Variants in ATP13A4 observed in about 807,000 individuals in gnomAD.
ATP13A4 encodes the protein probable cation-transporting ATPase 13A4.
ATP13A4 carries 114 observed loss-of-function variants against 142.5 expected under a neutral mutation model. That is an observed-to-expected ratio of 0.80 (90% CI 0.69 to 0.93). The LOEUF (loss-of-function observed/expected upper bound fraction) is 0.93. ATP13A4 is among the 40% of genes least tolerant of loss of function. The pLI, the probability that ATP13A4 is intolerant of heterozygous loss-of-function variation, is 0.00. For missense variants in ATP13A4, 1,392 were observed against 1,454.0 expected, an observed-to-expected ratio of 0.96 and a Z score of 0.69; for synonymous variants, 488 against 514.8, an observed-to-expected ratio of 0.95 and a Z score of 0.70.
At chr3:193,476,662 A>G (rs189190371) in intron 8 of ATP13A4, among the ~76,000 whole-genome samples, 66 of 152,176 alleles carry the variant, frequency 4.3e-4, no homozygotes, top group Admixed American at 1.8e-3. Flanking sequence ...TTTACTTGAA[A>G]ATCAGAAACA....
chr3:193,433,519 T>TTAG (rs1716093202), intron 25 of ATP13A4, among the ~76,000 whole-genome samples: 2 of 152,202 alleles, frequency 1.3e-5, no homozygotes, highest in African/African-American at 4.8e-5. Flanking sequence ...ACATTTTAAC[T>TTAG]ATAACTGTAT....
At chr3:193,403,479 TC>T (rs927353621) in intron 29 of ATP13A4, among the ~76,000 whole-genome samples, 1 of 152,158 alleles carries the variant, frequency 6.6e-6, no homozygotes, top group African/African-American at 2.4e-5. Context: ...CTTATATAAC[TC>T]CCTTTACAAT....
At chr3:193,479,096 T>C (rs765286195) in intron 8 of ATP13A4, among the ~76,000 whole-genome samples, 3 of 152,020 alleles carry the variant, frequency 2.0e-5, no homozygotes, top group Admixed American at 6.6e-5. Flanking sequence ...CTCAGCAAAA[T>C]TGGCATAGAA....
intron 20 of ATP13A4, 22 bp downstream of exon 20, chr3:193,441,444 T>C: frequency 2.5e-6 from 4 of 1,613,338 alleles, no homozygotes; most frequent in Non-Finnish European, 2.5e-6. Flanking sequence ...CATAGGGAGA[T>C]TGTCACCCTC....
At chr3:193,491,450 G>T in intron 5 of ATP13A4, 52 bp from the exon 6 acceptor site, 1 of 1,290,736 alleles carries the variant, frequency 7.7e-7, no homozygotes, top group South Asian at 1.2e-5. Flanking sequence ...AATTAAAACT[G>T]ACTCCTCACC....
chr3:193,568,264 C>A (rs112754474), intron 2 of ATP13A4, among the ~76,000 whole-genome samples: 4,666 of 152,226 alleles, frequency 0.031, 234 homozygotes, highest in African/African-American at 0.11. Context: ...CCCAGCCAAG[C>A]ACCACCACTT....
At chr3:193,481,086 G>T (rs1719265041) in intron 8 of ATP13A4, among the ~76,000 whole-genome samples, 1 of 152,222 alleles carries the variant, frequency 6.6e-6, no homozygotes, top group South Asian at 2.1e-4. Flanking sequence ...AGGACACAAA[G>T]GCATAAGAAT....
At chr3:193,505,390 T>G (rs1435305021) in intron 2 of ATP13A4, among the ~76,000 whole-genome samples, 1 of 152,160 alleles carries the variant, frequency 6.6e-6, no homozygotes, top group Admixed American at 6.5e-5. Flanking sequence ...ACCAACTAAC[T>G]GTATGCCTTA....
chr3:193,530,778 G>A (rs1425213464), intron 1 of ATP13A4, among the ~76,000 whole-genome samples: 3 of 152,068 alleles, frequency 2.0e-5, no homozygotes, highest in Non-Finnish European at 2.9e-5. Flanking sequence ...TAATGTCCAG[G>A]AACTTCAGGC....
At chr3:193,554,616 T>A (rs1723786330) in intron 1 of ATP13A4, 124 bp downstream of exon 1, 1 of 1,277,102 alleles carries the variant, frequency 7.8e-7, no homozygotes, top group Non-Finnish European at 1.1e-6. Context: ...AATACCAGAG[T>A]GAAATTTTAG....
intron 1 of ATP13A4, among the ~76,000 whole-genome samples, chr3:193,531,297 A>AGGGAGGAGGGAAGGAAGGGAG (rs1351666676): frequency 4.9e-5 from 1 of 20,394 alleles, no homozygotes; most frequent in Non-Finnish European, 8.4e-5. Flanking sequence ...GGAGGGAGGG[A>AGGGAGGAGGGAAGGAAGGGAG]GGAAGGAAGG....
rs529402664 is a variant in ATP13A4, at chr3:193,541,228, G to C, written c.60+13512C>G. On this transcript the variant is annotated intron_variant, in intron 1 of 29. Transcript: ENST00000342695. ...CGAGCCACTGCACTCCAGCCTGGGC[G>C]ACAGAGCGAGACTCCTTCTCAAAAA... Among the ~76,000 whole-genome samples, 2 of 123,982 alleles carry C rather than the reference G, an allele frequency of 1.6e-5. 1 individual carries two copies. The highest frequency in any genetic ancestry group is 3.4e-5 in the Non-Finnish European group (2 of 59,616). 81.3% of individuals were successfully genotyped at this position (123,982 alleles called of 152,430 possible).
chr3:193,558,109 A>G (rs1723942460), upstream of ATP13A4, among the ~76,000 whole-genome samples: 1 of 152,212 alleles, frequency 6.6e-6, no homozygotes, highest in African/African-American at 2.4e-5. Flanking sequence ...AAATATCCCT[A>G]CTGTTCCTGA....
intron 25 of ATP13A4, among the ~76,000 whole-genome samples, chr3:193,428,491 T>C (rs1182550433): frequency 1.3e-5 from 2 of 152,036 alleles, no homozygotes; most frequent in Admixed American, 6.6e-5. Context: ...CACATGCACA[T>C]GTATGTTTAT....
Position 193,502,499 on chromosome 3 carries a change from G to C in ATP13A4, c.375C>G (p.Asp125Glu), listed in dbSNP as rs1425622214. The C allele has an allele frequency of 6.2e-7, 1 of 1,613,804 alleles. No homozygotes were observed. The highest frequency in any genetic ancestry group is 8.5e-7 in the Non-Finnish European group (1 of 1,179,936). Reference sequence around the variant, plus strand: ...TAGCCATAAGTTTACTTACCTTTAGGTCTGGCTTTCTTATGGCTCTATTTA... The same window carrying C: ...TAGCCATAAGTTTACTTACCTTTAGCTCTGGCTTTCTTATGGCTCTATTTA... ...YIINRAIRKP[D>E]LKVRCIKVQK... is the part of the protein sequence containing the mutation. Residue 125 changes from aspartate (D) to glutamate (E), a missense_variant, in exon 3 of 30, where the codon GAC becomes GAG. Coordinates refer to ENST00000342695, the MANE Select transcript of ATP13A4 (RefSeq NM_032279.4).
chr3:193,504,954 A>T (rs1452545630), intron 2 of ATP13A4, among the ~76,000 whole-genome samples: 1 of 152,134 alleles, frequency 6.6e-6, no homozygotes. Flanking sequence ...TTGTTATGTT[A>T]TCTTATTTTA....
intron 19 of ATP13A4, 96 bp from the exon 20 acceptor site, chr3:193,441,684 GA>G: frequency 1.4e-6 from 2 of 1,438,900 alleles, no homozygotes; most frequent in Non-Finnish European, 1.9e-6. Flanking sequence ...GACAGACCAG[GA>G]TCTATCTGTA....
At chr3:193,527,188 C>T (rs1722052462) in intron 1 of ATP13A4, among the ~76,000 whole-genome samples, 1 of 152,172 alleles carries the variant, frequency 6.6e-6, no homozygotes, top group African/African-American at 2.4e-5. Context: ...GGCTCTGTGT[C>T]TCCGCCCAAA....
Position 193,500,730 on chromosome 3 carries a change from G to A in ATP13A4, c.381+1763C>T, listed in dbSNP as rs11922924. 2.0e-3 allele frequency among the ~76,000 whole-genome samples: 303 copies of A among 152,268 alleles called. 3 individuals are homozygous for A. The highest frequency in any genetic ancestry group is 6.2e-3 in the African/African-American group (258 of 41,558). On this transcript the variant is annotated intron_variant, in intron 3 of 29. Coordinates refer to ENST00000342695, the MANE Select transcript of ATP13A4 (RefSeq NM_032279.4). ...ACAGGCCATGGACAGGGCACCAATC[G>A]GTGGCCTGGGGATTGGGGACCCCTC...
Sources: gnomAD v4.1 joint callset for allele counts (sites outside exome capture counted in the v4.1 genomes callset) on GRCh38, gnomAD v4.1.1 for gene constraint, MANE v1.5 for transcripts, NCBI Gene and HGNC (gene_info 2026-07-23, HGNC 2026-07-21) for gene names.